The following RABGAP1L variants were observed in gnomAD, a reference collection of about 807,000 sequenced individuals.
RABGAP1L encodes the protein rab GTPase-activating protein 1-like.
Under a neutral mutation model 137.7 loss-of-function variants are expected in RABGAP1L, and 63 were observed. The ratio of observed to expected loss-of-function variants is 0.46; its 90% CI spans 0.37 to 0.56. The LOEUF (loss-of-function observed/expected upper bound fraction) is 0.56. RABGAP1L is among the 20% of genes least tolerant of loss of function. RABGAP1L has a pLI of 0.00. For missense variants in RABGAP1L, 1,095 were observed against 1,244.0 expected, an observed-to-expected ratio of 0.88 and a Z score of 1.80; for synonymous variants, 431 against 433.7, an observed-to-expected ratio of 0.99 and a Z score of 0.08.
intron 11 of RABGAP1L, among the ~76,000 whole-genome samples, chr1:174,323,633 T>C (rs1170497632): frequency 6.6e-6 from 1 of 152,112 alleles, no homozygotes; most frequent in African/African-American, 2.4e-5. Context: ...TTTGGAAGCA[T>C]TTTTGCAAAG....
intron 13 of RABGAP1L, among the ~76,000 whole-genome samples, chr1:174,485,373 A>G (rs1341776862): frequency 6.6e-6 from 1 of 152,174 alleles, no homozygotes; most frequent in Admixed American, 6.5e-5. Flanking sequence ...TTTCAGTACT[A>G]TGTTGAATAA....
intron 24 of RABGAP1L, among the ~76,000 whole-genome samples, chr1:174,987,852 C>T (rs1671731303): frequency 6.6e-6 from 1 of 152,144 alleles, no homozygotes; most frequent in South Asian, 2.1e-4. Context: ...TTCTCTCGCC[C>T]AGGCTGGAGT....
intron 7 of RABGAP1L, among the ~76,000 whole-genome samples, chr1:174,254,636 CT>C (rs1672970029): frequency 6.6e-6 from 1 of 152,134 alleles, no homozygotes. Context: ...TGGTTTCCAG[CT>C]TCATCTATGT....
chr1:174,807,078 T>G (rs1689376510), intron 18 of RABGAP1L, among the ~76,000 whole-genome samples: 1 of 152,232 alleles, frequency 6.6e-6, no homozygotes, highest in South Asian at 2.1e-4. Flanking sequence ...TAAGCCACCA[T>G]GCCTGGCCTG....
At chr1:174,681,347 A>G (rs1678052700) in intron 14 of RABGAP1L, among the ~76,000 whole-genome samples, 1 of 152,244 alleles carries the variant, frequency 6.6e-6, no homozygotes, top group Non-Finnish European at 1.5e-5. Flanking sequence ...TACAGTATAT[A>G]TTCATGCTAC....
chr1:174,436,440 G>A (rs1447549698), intron 13 of RABGAP1L, among the ~76,000 whole-genome samples: 2 of 152,164 alleles, frequency 1.3e-5, no homozygotes, highest in African/African-American at 2.4e-5. Context: ...TTTTTTGGCT[G>A]CATAAATGTC....
intron 13 of RABGAP1L, among the ~76,000 whole-genome samples, chr1:174,531,606 A>G (rs1664410444): frequency 6.6e-6 from 1 of 152,104 alleles, no homozygotes; most frequent in South Asian, 2.1e-4. Context: ...AGCTGGTTGC[A>G]TCTTTAGTTC....
chr1:174,798,689 C>T (rs892735593), intron 18 of RABGAP1L, among the ~76,000 whole-genome samples: 1 of 152,052 alleles, frequency 6.6e-6, no homozygotes, highest in Non-Finnish European at 1.5e-5. Context: ...AGATATGTAA[C>T]TCTTATTTGT....
In RABGAP1L at chr1:174,967,647, C is replaced by T. The variant is rs1007515956; in HGVS notation, c.2434-1630C>T. ...AGCCACTGTGCCCAGCTGTACCCAG[C>T]TAATTTTTAAAAATTTTTTTGTAGA... On this transcript the variant is annotated intron_variant, in intron 20 of 25. Transcript: ENST00000681986. Among the ~76,000 whole-genome samples, 22 of 151,858 alleles carry T rather than the reference C, an allele frequency of 1.4e-4. No homozygotes were observed. In the East Asian group the frequency reaches 3.9e-3, roughly 27 times the overall value.
At chr1:174,513,557 G>A (rs964253255) in intron 13 of RABGAP1L, among the ~76,000 whole-genome samples, 3 of 152,094 alleles carry the variant, frequency 2.0e-5, no homozygotes, top group Admixed American at 6.6e-5. Flanking sequence ...AGGCTGCAGT[G>A]AGCCATGATC....
At chr1:174,610,749 A>G (rs1671164003) in intron 13 of RABGAP1L, among the ~76,000 whole-genome samples, 2 of 152,192 alleles carry the variant, frequency 1.3e-5, no homozygotes, top group South Asian at 4.1e-4. Flanking sequence ...TCACCATTCT[A>G]ACTGGTGTGA....
At chr1:174,508,444 A>G (rs115674142) in intron 13 of RABGAP1L, among the ~76,000 whole-genome samples, 3,194 of 152,212 alleles carry the variant, frequency 0.021, 117 homozygotes, top group African/African-American at 0.074. Flanking sequence ...TTATTTATCA[A>G]CCCTGTAGTT....
chr1:174,379,362 G>A (rs1343498538), intron 12 of RABGAP1L, among the ~76,000 whole-genome samples: 4 of 146,516 alleles, frequency 2.7e-5, no homozygotes, highest in Non-Finnish European at 4.5e-5. Context: ...CATTGAATCT[G>A]TAAATTACCT....
At chr1:174,619,842 G>T (rs1672269815) in intron 13 of RABGAP1L, among the ~76,000 whole-genome samples, 1 of 152,282 alleles carries the variant, frequency 6.6e-6, no homozygotes, top group African/African-American at 2.4e-5. Context: ...GACACAGACT[G>T]GCAAATTGGA....
intron 19 of RABGAP1L, among the ~76,000 whole-genome samples, chr1:174,927,054 C>T (rs1283730627): frequency 6.7e-6 from 1 of 149,568 alleles, no homozygotes; most frequent in Admixed American, 6.7e-5. Context: ...GCCTGGGTGA[C>T]AGAATAAGAC....
chr1:174,482,085 G>A (rs1659154650), intron 13 of RABGAP1L, among the ~76,000 whole-genome samples: 1 of 152,102 alleles, frequency 6.6e-6, no homozygotes, highest in African/African-American at 2.4e-5. Flanking sequence ...GAGTCAGAGT[G>A]ATACCATGTG....
intron 19 of RABGAP1L, among the ~76,000 whole-genome samples, chr1:174,880,088 A>C (rs973049449): frequency 1.7e-4 from 26 of 151,364 alleles, no homozygotes; most frequent in Admixed American, 4.6e-4. Context: ...GGAAAAAAAA[A>C]CACCATAATA....
chr1:174,988,765 A>C lies in RABGAP1L; in HGVS notation c.2930A>C (p.Lys977Thr). The C allele has an allele frequency of 6.5e-7, 1 of 1,550,334 alleles. No homozygotes were observed. The highest frequency in any genetic ancestry group is 8.7e-7 in the Non-Finnish European group (1 of 1,146,826). ...GATGATGAGAAGGACTCACTTAAGAAGCAGCTGAGAGAGATGGAACTGGAA... is the reference window on the plus strand; with the variant it reads ...GATGATGAGAAGGACTCACTTAAGACGCAGCTGAGAGAGATGGAACTGGAA... ...ETDDEKDSLK[K>T]QLREMELELA... The change falls in exon 25 of 26, where the codon AAG (lysine) becomes ACG (threonine). Residue 977 changes from lysine to threonine, a missense_variant. Around this residue, in one of 4 missense-constraint regions of RABGAP1L, gnomAD observed 312 missense variants for 435.6 expected, o/e 0.72. Transcript: ENST00000681986.
chr1:174,441,265 C>A (rs72713586), intron 13 of RABGAP1L, among the ~76,000 whole-genome samples: 30,111 of 151,604 alleles, frequency 0.2, 3,424 homozygotes, highest in Admixed American at 0.24. Context: ...TAATAAGATA[C>A]CTAATGACCC....
Sources: gnomAD v4.1 joint callset for allele counts (sites outside exome capture counted in the v4.1 genomes callset) on GRCh38, gnomAD v4.1.1 for gene constraint, gnomAD v4.1.1 regional missense constraint, MANE v1.5 for transcripts, NCBI Gene and HGNC (gene_info 2026-07-23, HGNC 2026-07-21) for gene names.